Variants in SLC24A5 observed in about 807,000 individuals in gnomAD.
SLC24A5 encodes sodium/potassium/calcium exchanger 5.
In SLC24A5, 46 loss-of-function variants were observed where a neutral mutation model predicts 51.6. The observed-to-expected ratio is 0.89, with a 90% CI of 0.70 to 1.14. The LOEUF (loss-of-function observed/expected upper bound fraction) is 1.14. SLC24A5 is among the 50% of genes most tolerant of loss of function. The probability of loss-of-function intolerance (pLI) is 0.00; values close to 1 mark genes in which losing one functional copy is unlikely to be tolerated. For missense variants in SLC24A5, 581 were observed against 604.1 expected, an observed-to-expected ratio of 0.96 and a Z score of 0.40; for synonymous variants, 230 against 214.9, an observed-to-expected ratio of 1.07 and a Z score of -0.62.
chr15:48,132,825 T>C (rs2038805520), intron 2 of SLC24A5, among the ~76,000 whole-genome samples: 1 of 152,046 alleles, frequency 6.6e-6, no homozygotes, highest in Admixed American at 6.6e-5. Flanking sequence ...TTCAACAAAG[T>C]AGCAGGACTT....
rs1267273982 is a variant in SLC24A5 at position 48,122,068 on chromosome 15, C to T, written c.301+32C>T. On this transcript the variant is annotated intron_variant, in intron 2 of 8. Coordinates refer to ENST00000341459, the MANE Select transcript of SLC24A5 (RefSeq NM_205850.3). ...GGCTGGAAAGTTGCCCTGTAACCTT[C>T]TGGGAGAGTGTGCCACACAGATATG... The T allele has an allele frequency of 2.5e-6, 4 of 1,605,410 alleles. No homozygotes were observed. The African/African-American group carries it at 5.4e-5, about 21-fold the overall frequency.
In SLC24A5 at chr15:48,141,851, TTAAA is replaced by T. The variant is rs1193153333; in HGVS notation, c.1181-175_1181-172del. 6.9e-6 allele frequency: 3 copies of T among 435,248 alleles called. No homozygotes were observed. In the East Asian group the frequency reaches 1.0e-4, roughly 15 times the overall value. The allele number at this position is 435,248 out of a possible 1,614,324, so 27.0% of individuals were successfully genotyped here. ...TAATTATTAAATAAATGTTAAGACT[TTAAA>T]TACTAACCCAAGAAAAATTTAAAAA... On this transcript the variant is annotated intron_variant, in intron 8 of 8. Transcript: ENST00000341459.
chr15:48,139,173 C>A lies in SLC24A5; in HGVS notation c.1076C>A (p.Thr359Asn), dbSNP rs1352913596. 1 of 1,607,482 alleles carries A rather than the reference C, an allele frequency of 6.2e-7. No individual in the cohort carries two copies. Reference protein sequence around the residue: ...TYILVWMVTITGETLEIPDTV... With the variant: ...TYILVWMVTINGETLEIPDTV... ...ATCCTGGTTTGGATGGTCACAATAA[C>A]TGGTATGTATTTTAAGTACAATAGC... Residue 359 changes from threonine to asparagine, a missense_variant and splice_region_variant, in exon 7 of 9, where the codon ACT (threonine) becomes AAT (asparagine). By Grantham distance (65) the Thr-to-Asn change is moderately conservative. Transcript: ENST00000341459.
At chr15:48,129,262 A>G (rs1422604585) in intron 2 of SLC24A5, among the ~76,000 whole-genome samples, 1 of 152,168 alleles carries the variant, frequency 6.6e-6, no homozygotes, top group African/African-American at 2.4e-5. Context: ...CAGAGCATAT[A>G]CATGCAGTCA....
chr15:48,131,886 T>C (rs17426596), intron 2 of SLC24A5, among the ~76,000 whole-genome samples: 3,929 of 152,232 alleles, frequency 0.026, 91 homozygotes, highest in Non-Finnish European at 0.038. Flanking sequence ...ACAATGGTTT[T>C]TCAGGTGTCA....
At position 48,121,171 on chromosome 15, in the gene SLC24A5, T is replaced by C; in HGVS notation, c.121+6T>C. Reference sequence around the variant, plus strand: ...ACGTCTCCCAAGGGCCACAGGTAGGTGGACATTGGGGTCAGTTAGCTCTGC... The same window carrying C: ...ACGTCTCCCAAGGGCCACAGGTAGGCGGACATTGGGGTCAGTTAGCTCTGC... On this transcript the variant is annotated splice_donor_region_variant and intron_variant, in intron 1 of 8. Transcript: ENST00000341459. 6.2e-7 allele frequency: 1 copy of C among 1,609,316 alleles called. No homozygotes were observed. Among genetic ancestry groups the C allele is most frequent in the East Asian group, 2.2e-5 (1 of 44,716 alleles).
rs1452631209 is a variant in SLC24A5 at position 48,136,737 on chromosome 15, T to A, written c.645T>A (p.Cys215Ter). Residue 215 changes from cysteine (C) to a stop codon, truncating the protein, a stop_gained, in exon 6 of 9, where the codon TGT (cysteine) becomes TGA (stop). Coordinates refer to ENST00000341459, the MANE Select transcript of SLC24A5 (RefSeq NM_205850.3). LOFTEE classifies it high-confidence loss of function. The stretch of plus-strand genomic sequence containing the variant: ...ATGGATTGTATGTTTTGGTGCTGTG[T>A]TTTGACATTAAAATTAACCAATATA... ...LIYGLYVLVLCFDIKINQYII... is the reference protein window; with the variant it reads ...LIYGLYVLVL 1 of 1,613,618 alleles carries A rather than the reference T, an allele frequency of 6.2e-7. No homozygotes were observed. The highest frequency in any genetic ancestry group is 8.5e-7 in the Non-Finnish European group (1 of 1,179,774).
intron 2 of SLC24A5, among the ~76,000 whole-genome samples, chr15:48,130,878 C>G (rs1029844883): frequency 1.3e-5 from 2 of 152,094 alleles, no homozygotes; most frequent in African/African-American, 4.8e-5. Context: ...GGCCTAAGTG[C>G]CATTCTTATA....
intron 1 of SLC24A5, 96 bp from the exon 2 acceptor site, chr15:48,121,761 T>C (rs1372387301): frequency 8.0e-7 from 1 of 1,248,406 alleles, no homozygotes; most frequent in Non-Finnish European, 1.1e-6. Context: ...TTCCACCCGG[T>C]TACCCCACAC....
chr15:48,138,473 C>T (rs1323631381), intron 6 of SLC24A5: 1 of 152,056 alleles, frequency 6.6e-6, no homozygotes, highest in South Asian at 2.1e-4. Flanking sequence ...AAACCACTTC[C>T]ACTAAGAATT....
intron 5 of SLC24A5, chr15:48,136,461 T>TAA (rs56091519): frequency 1.3e-3 from 411 of 312,944 alleles, no homozygotes; most frequent in East Asian, 5.3e-3. Context: ...ATCTTGTTTT[T>TAA]AAAAAAAAAA....
intron 6 of SLC24A5, 37 bp downstream of exon 6, chr15:48,137,000 G>T (rs775812510): frequency 6.4e-7 from 1 of 1,553,930 alleles, no homozygotes; most frequent in African/African-American, 1.4e-5. Flanking sequence ...AAGTCTATTC[G>T]CAAAGGAAAA....
chr15:48,126,088 C>G (rs928318315), intron 2 of SLC24A5, among the ~76,000 whole-genome samples: 1 of 152,198 alleles, frequency 6.6e-6, no homozygotes, highest in African/African-American at 2.4e-5. Flanking sequence ...TGCTCTTTCT[C>G]TTTTGGACCT....
intron 7 of SLC24A5, 77 bp from the exon 8 acceptor site, chr15:48,141,036 G>C: frequency 1.7e-6 from 2 of 1,202,062 alleles, no homozygotes; most frequent in Non-Finnish European, 2.4e-6. Context: ...TGTTCACGAA[G>C]GAAATATCCA....
intron 6 of SLC24A5, chr15:48,138,187 TTA>T (rs1473535449): frequency 6.6e-6 from 1 of 152,068 alleles, no homozygotes; most frequent in Non-Finnish European, 1.5e-5. Flanking sequence ...GGCAAACTTT[TTA>T]TGAGTTGTTG....
intron 5 of SLC24A5, 54 bp downstream of exon 5, chr15:48,135,038 T>C: frequency 7.1e-7 from 1 of 1,400,616 alleles, no homozygotes; most frequent in Non-Finnish European, 1.0e-6. Flanking sequence ...GAATTTCTGA[T>C]GGTTCAGTAA....
intron 2 of SLC24A5, among the ~76,000 whole-genome samples, chr15:48,126,182 A>G (rs1030306758): frequency 6.6e-6 from 1 of 152,126 alleles, no homozygotes; most frequent in African/African-American, 2.4e-5. Flanking sequence ...TGCTCTGCTC[A>G]TGATCATAAA....
intron 6 of SLC24A5, chr15:48,137,715 C>T (rs1193241338): frequency 6.6e-6 from 1 of 152,002 alleles, no homozygotes; most frequent in Non-Finnish European, 1.5e-5. Context: ...AAGACACCTC[C>T]TATGTTTTAA....
intron 2 of SLC24A5, among the ~76,000 whole-genome samples, chr15:48,125,945 C>A (rs1356184234): frequency 6.6e-6 from 1 of 152,170 alleles, no homozygotes; most frequent in African/African-American, 2.4e-5. Context: ...ATTTGGCCAA[C>A]AGCAGGATCT....
Sources: gnomAD v4.1 joint callset for allele counts (sites outside exome capture counted in the v4.1 genomes callset) on GRCh38, gnomAD v4.1.1 for gene constraint, MANE v1.5 for transcripts, NCBI Gene and HGNC (gene_info 2026-07-23, HGNC 2026-07-21) for gene names.